Variants in SLC16A2 observed in about 807,000 individuals in gnomAD.
SLC16A2 encodes the protein monocarboxylate transporter 8.
In SLC16A2, 3 loss-of-function variants were observed where a neutral mutation model predicts 27.2. That is an observed-to-expected ratio of 0.11 (90% CI 0.05 to 0.28). The LOEUF is 0.28. SLC16A2 is among the 10% of genes least tolerant of loss of function. The pLI is 1.00. For synonymous variants in SLC16A2, 202 were observed against 187.8 expected, an observed-to-expected ratio of 1.08 and a Z score of -0.62; for missense variants, 295 against 458.5, an observed-to-expected ratio of 0.64 and a Z score of 3.26.
intron 1 of SLC16A2, among the ~76,000 whole-genome samples, chrX:74,423,873 A>G (rs1470645425): frequency 9.0e-6 from 1 of 111,596 alleles, no homozygotes; most frequent in East Asian, 2.8e-4. Flanking sequence ...CTTGATGAGA[A>G]GCAGTAGAGG....
At chrX:74,481,007 A>G (rs1027057225) in intron 1 of SLC16A2, among the ~76,000 whole-genome samples, 27 of 112,515 alleles carry the variant, frequency 2.4e-4, no homozygotes, top group Admixed American at 2.2e-3. Context: ...TTTGTCTTTT[A>G]TTCTATTGAG....
At chrX:74,491,794 T>C (rs1010459823) in intron 1 of SLC16A2, among the ~76,000 whole-genome samples, 1 of 112,557 alleles carries the variant, frequency 8.9e-6, no homozygotes, top group African/African-American at 3.2e-5. Flanking sequence ...CTGTAGAAAA[T>C]TAGGACAATT....
intron 1 of SLC16A2, chrX:74,474,047 T>C: frequency 6.3e-6 from 1 of 157,861 alleles, no homozygotes; most frequent in Non-Finnish European, 1.2e-5. Context: ...TTTTTGCTAT[T>C]CTAGTTCTCT....
intron 1 of SLC16A2, among the ~76,000 whole-genome samples, chrX:74,467,285 G>A (rs1326909972): frequency 9.0e-6 from 1 of 111,694 alleles, no homozygotes; most frequent in Non-Finnish European, 1.9e-5. Flanking sequence ...CTTGACCTAG[G>A]CTACACAGCA....
At chrX:74,473,259 A>G in intron 1 of SLC16A2, 5 of 701,327 alleles carry the variant, frequency 7.1e-6, no homozygotes, top group Admixed American at 2.2e-5. Context: ...CACCGCCACC[A>G]TAACCACCAC....
chrX:74,514,894 A>T (rs1445900803), intron 1 of SLC16A2, among the ~76,000 whole-genome samples: 1 of 112,072 alleles, frequency 8.9e-6, no homozygotes, highest in Non-Finnish European at 1.9e-5. Flanking sequence ...TTTGGTAGTA[A>T]TGAAGTTGTC....
At chrX:74,468,340 A>G (rs771639548) in intron 1 of SLC16A2, among the ~76,000 whole-genome samples, 3 of 111,908 alleles carry the variant, frequency 2.7e-5, no homozygotes, top group Admixed American at 9.5e-5. Flanking sequence ...TGCTCTAGAC[A>G]TTTCATATTA....
intron 1 of SLC16A2, among the ~76,000 whole-genome samples, chrX:74,442,728 G>T (rs908274292): frequency 8.9e-6 from 1 of 112,114 alleles, no homozygotes; most frequent in African/African-American, 3.2e-5. Flanking sequence ...AGGCCAAGGC[G>T]GGTGGATCAT....
chrX:74,503,176 A>G (rs946584605), intron 1 of SLC16A2, among the ~76,000 whole-genome samples: 1 of 109,794 alleles, frequency 9.1e-6, no homozygotes, highest in Non-Finnish European at 1.9e-5. Context: ...CTCTACCCAA[A>G]TTATATGATT....
In SLC16A2 at chrX:74,532,827, A is replaced by G. The variant is rs1188487698; in HGVS notation, c.*1274A>G. On this transcript the variant is annotated 3_prime_UTR_variant, in exon 6 of 6. Transcript: ENST00000587091. ...TAGGCCACTTTGCTTAGAGGGCATT[A>G]AAGGTGCCATGAAAGGTAGACTCTG... is the stretch of plus-strand genomic sequence containing the variant. The G allele has an allele frequency of 8.9e-6, 1 of 112,126 alleles. No homozygotes were observed. The highest frequency in any genetic ancestry group is 1.9e-5 in the Non-Finnish European group (1 of 53,123). 9.2% of individuals were successfully genotyped at this position (112,126 alleles called of 1,213,427 possible).
chrX:74,524,681 C>T lies in SLC16A2; in HGVS notation c.898C>T (p.His300Tyr), dbSNP rs1176102294. Residue 300 changes from histidine (H) to tyrosine (Y), a missense_variant, in exon 3 of 6, where the codon CAC (histidine) becomes TAC (tyrosine). Coordinates refer to ENST00000587091, the MANE Select transcript of SLC16A2 (RefSeq NM_006517.5). The part of the protein sequence containing the change: ...TPSKRGVRTL[H>Y]QRFLAQLRKY... ...AAGCAAGAGAGGTGTCCGCACCCTGCACCAGCGCTTTCTGGCTCAGCTCAG... is the reference window on the plus strand; with the variant it reads ...AAGCAAGAGAGGTGTCCGCACCCTGTACCAGCGCTTTCTGGCTCAGCTCAG... The T allele has an allele frequency of 7.4e-6, 9 of 1,212,005 alleles. No individual in the cohort carries two copies. Among genetic ancestry groups the T allele is most frequent in the Non-Finnish European group, 1.0e-5 (9 of 895,563 alleles).
Position 74,501,993 on chromosome X carries a change from TA to T in SLC16A2, c.431-18989del, listed in dbSNP as rs749486084. 2.3e-4 allele frequency among the ~76,000 whole-genome samples: 25 copies of T among 111,085 alleles called. No homozygotes were observed. The East Asian group carries it at 3.9e-3, about 17-fold the overall frequency. On this transcript the variant is annotated intron_variant, in intron 1 of 5. Transcript: ENST00000587091. ...AAAAAAGAATATATTAATTTGAACA[TA>T]AAAAAAACCTTGTAGTCCTTCTCAG...
At chrX:74,492,004 G>T (rs1929836069) in intron 1 of SLC16A2, among the ~76,000 whole-genome samples, 2 of 112,511 alleles carry the variant, frequency 1.8e-5, no homozygotes, top group Admixed American at 1.9e-4. Context: ...ATGTCCCTAT[G>T]TAAGCAGGAC....
intron 1 of SLC16A2, among the ~76,000 whole-genome samples, chrX:74,456,189 G>A (rs1303905626): frequency 8.9e-6 from 1 of 112,142 alleles, no homozygotes; most frequent in African/African-American, 3.2e-5. Context: ...GGAAAAGAAA[G>A]TGCAGAGAAG....
Position 74,497,284 on chromosome X carries a change from TG to T in SLC16A2, c.431-23704del, listed in dbSNP as rs199732277. ...TTCCTTCCTAGCACTTCCATATCAC[TG>T]GCTGTGCCCATTTCTGGGGGAGTCA... On this transcript the variant is annotated intron_variant, in intron 1 of 5. Coordinates refer to ENST00000587091, the MANE Select transcript of SLC16A2 (RefSeq NM_006517.5). Among the ~76,000 whole-genome samples, 818 of 111,667 alleles carry T rather than the reference TG, an allele frequency of 7.3e-3. 7 individuals carry two copies. Among genetic ancestry groups the T allele is most frequent in the Non-Finnish European group, 0.013 (679 of 53,132 alleles).
chrX:74,446,284 C>A (rs182791531), intron 1 of SLC16A2, among the ~76,000 whole-genome samples: 45 of 111,288 alleles, frequency 4.0e-4, no homozygotes, highest in African/African-American at 1.4e-3. Context: ...ACACATTGGT[C>A]CTGTCCTTCC....
chrX:74,434,926 C>T (rs995348131), intron 1 of SLC16A2, among the ~76,000 whole-genome samples: 2 of 106,915 alleles, frequency 1.9e-5, no homozygotes, highest in African/African-American at 6.9e-5. Flanking sequence ...CAGGTTCAAG[C>T]GATTCTCCTG....
At chrX:74,427,808 C>T (rs1303748778) in intron 1 of SLC16A2, among the ~76,000 whole-genome samples, 4 of 71,973 alleles carry the variant, frequency 5.6e-5, no homozygotes, top group Admixed American at 2.6e-4. Flanking sequence ...CGTGCACGCG[C>T]GCGCACACAC....
chrX:74,486,402 G>T (rs1240628796), intron 1 of SLC16A2, among the ~76,000 whole-genome samples: 1 of 112,253 alleles, frequency 8.9e-6, no homozygotes, highest in Admixed American at 9.4e-5. Flanking sequence ...AGCTGTTTAG[G>T]CATCCTTGTA....
Sources: allele counts gnomAD v4.1 joint callset (sites outside exome capture counted in the v4.1 genomes callset), GRCh38; gene constraint gnomAD v4.1.1; transcripts MANE v1.5; gene names NCBI Gene and HGNC (gene_info 2026-07-23, HGNC 2026-07-21).